Variants in MICU3 observed in about 807,000 individuals in gnomAD.
MICU3 encodes the protein mitochondrial calcium uptake 3, also known as calcium uptake protein 3, mitochondrial.
A neutral mutation model predicts 66.5 loss-of-function variants in MICU3; 62 were observed. The ratio of observed to expected loss-of-function variants is 0.93; its 90% CI spans 0.76 to 1.15. The LOEUF is 1.15. MICU3 is among the 50% of genes most tolerant of loss of function. The pLI is 0.00. For synonymous variants in MICU3, 308 were observed against 240.7 expected (o/e 1.28, Z -2.59); for missense variants, 779 against 664.4 (o/e 1.17, Z -1.90).
chr8:17,131,993 T>C, the MICU3 span: 1 of 152,152 alleles, frequency 6.6e-6, no homozygotes, highest in Non-Finnish European at 1.5e-5. Context: ...CATACAATAA[T>C]AACTCTACAT....
At chr8:17,069,657 T>C in intron 2 of MICU3, 31 bp from the exon 3 acceptor site, 2 of 1,371,012 alleles carry the variant, frequency 1.5e-6, no homozygotes, top group Non-Finnish European at 2.0e-6. Flanking sequence ...AAGTATTTAT[T>C]ATCTAATTAT....
Position 17,114,152 on chromosome 8 carries a change from T to C in MICU3, c.1317T>C (p.Phe439=), listed in dbSNP as rs755267578. Residue 439 remains phenylalanine, a synonymous_variant, in exon 12 of 15, where the codon TTT becomes TTC. Coordinates refer to ENST00000318063, the MANE Select transcript of MICU3 (RefSeq NM_181723.3). ...FFQFLNNLED[F]AIALNMYNFA... ...AGTTTTTAAACAACCTAGAAGACTT[T>C]GCAATAGCCCTGAATATGTATAACT... is the stretch of plus-strand genomic sequence containing the variant. 23 of 1,612,984 alleles carry C rather than the reference T, an allele frequency of 1.4e-5. No homozygotes were observed. Among genetic ancestry groups the C allele is most frequent in the Middle Eastern group, 1.6e-4 (1 of 6,072 alleles).
At chr8:17,094,029 G>C (rs191579572) in intron 8 of MICU3, among the ~76,000 whole-genome samples, 18 of 152,024 alleles carry the variant, frequency 1.2e-4, no homozygotes, top group African/African-American at 4.1e-4. Context: ...TCCTTCAAAA[G>C]ATAAACACAA....
chr8:17,078,873 A>G (rs1168740255), intron 4 of MICU3, among the ~76,000 whole-genome samples: 3 of 152,136 alleles, frequency 2.0e-5, no homozygotes, highest in African/African-American at 7.2e-5. Context: ...AAATCTTAGA[A>G]ATTTTTTTCC....
intron 1 of MICU3, among the ~76,000 whole-genome samples, chr8:17,057,479 A>G (rs1230382853): frequency 6.6e-6 from 1 of 152,224 alleles, no homozygotes; most frequent in Non-Finnish European, 1.5e-5. Context: ...AGTATTAATT[A>G]TATTTAATCT....
chr8:17,036,804 C>T (rs568623587), intron 1 of MICU3, among the ~76,000 whole-genome samples: 63 of 152,340 alleles, frequency 4.1e-4, no homozygotes, highest in African/African-American at 1.4e-3. Context: ...GCCAGTCCCG[C>T]GCCGTGCGCT....
At chr8:17,027,782 G>T in intron 1 of MICU3, 122 bp downstream of exon 1, 1 of 1,178,132 alleles carries the variant, frequency 8.5e-7, no homozygotes, top group Non-Finnish European at 1.1e-6. Flanking sequence ...AACTTCCCGT[G>T]AGCGAGGCTG....
chr8:17,051,304 C>A (rs1407569118), intron 1 of MICU3, among the ~76,000 whole-genome samples: 1 of 152,158 alleles, frequency 6.6e-6, no homozygotes, highest in Non-Finnish European at 1.5e-5. Context: ...TTCACTTATT[C>A]ATTTATTCAG....
chr8:17,062,692 A>T (rs1818030754), intron 1 of MICU3, among the ~76,000 whole-genome samples: 1 of 152,142 alleles, frequency 6.6e-6, no homozygotes, highest in South Asian at 2.1e-4. Context: ...ACTGATAATC[A>T]TGTAAATTGC....
At chr8:17,069,044 G>A (rs918016270) in intron 2 of MICU3, among the ~76,000 whole-genome samples, 1 of 152,034 alleles carries the variant, frequency 6.6e-6, no homozygotes, top group Non-Finnish European at 1.5e-5. Context: ...GATCTTTGGG[G>A]GTGTGAGGAG....
intron 1 of MICU3, among the ~76,000 whole-genome samples, chr8:17,051,730 T>C (rs1695441478): frequency 6.6e-6 from 1 of 152,078 alleles, no homozygotes; most frequent in South Asian, 2.1e-4. Context: ...AAGGAGGTCA[T>C]TGATGACCTT....
At chr8:17,135,423 G>C in the MICU3 span, among the ~76,000 whole-genome samples, 4 of 151,086 alleles carry the variant, frequency 2.6e-5, no homozygotes, top group African/African-American at 9.7e-5. Flanking sequence ...ACATTTTTCC[G>C]TTAGATTTTC....
At chr8:17,033,418 A>C (rs1453177192) in intron 1 of MICU3, among the ~76,000 whole-genome samples, 1 of 152,152 alleles carries the variant, frequency 6.6e-6, no homozygotes, top group Non-Finnish European at 1.5e-5. Context: ...AGCTTAATCC[A>C]GATTAAGGCC....
chr8:17,096,955 T>TTTGTG (rs1554531649), intron 8 of MICU3, among the ~76,000 whole-genome samples: 1 of 141,548 alleles, frequency 7.1e-6, no homozygotes, highest in Non-Finnish European at 1.5e-5. Context: ...CTAAATATAT[T>TTTGTG]TGTGTGTGTG....
intron 1 of MICU3, among the ~76,000 whole-genome samples, chr8:17,035,804 C>T (rs1379242373): frequency 2.0e-5 from 3 of 152,132 alleles, no homozygotes; most frequent in Non-Finnish European, 4.4e-5. Flanking sequence ...GAAAAGAAAA[C>T]CCCATTTTCT....
chr8:17,040,582 A>G (rs935758055), intron 1 of MICU3, among the ~76,000 whole-genome samples: 1 of 152,202 alleles, frequency 6.6e-6, no homozygotes, highest in Non-Finnish European at 1.5e-5. Flanking sequence ...AGTAACTTAC[A>G]GTTTCATGAA....
intron 3 of MICU3, among the ~76,000 whole-genome samples, chr8:17,076,599 A>G (rs1321343842): frequency 5.9e-5 from 9 of 152,316 alleles, no homozygotes; most frequent in Non-Finnish European, 1.0e-4. Context: ...TGCCTTTGAC[A>G]TACCAAGAAT....
At chr8:17,116,246 C>A (rs1010753950) in intron 12 of MICU3, among the ~76,000 whole-genome samples, 197 bp from the exon 13 acceptor site, 1 of 152,216 alleles carries the variant, frequency 6.6e-6, no homozygotes, top group Non-Finnish European at 1.5e-5. Flanking sequence ...ACCTAAGATA[C>A]AGCTGTTGCT....
At position 17,027,538 on chromosome 8, in the gene MICU3, G is replaced by C. The variant is rs535636469; in HGVS notation, c.259G>C (p.Gly87Arg). 393 of 1,280,332 alleles carry C rather than the reference G, an allele frequency of 3.1e-4. No homozygotes were observed. Among genetic ancestry groups the C allele is most frequent in the South Asian group, 1.1e-3 (41 of 38,164 alleles). The allele number at this position is 1,280,332 out of a possible 1,614,324, so 79.3% of individuals were successfully genotyped here. A position where few individuals can be genotyped will look rare whatever the true frequency, so the allele number is the denominator to read the frequency against. ...CGGCCTGGTATGCTACCAGCTGTAC[G>C]GGGACCCCAGGGCCGGCTCGCCGGC... is the stretch of plus-strand genomic sequence containing the variant. ...LVGLVCYQLY[G>R]DPRAGSPATG... The change falls in exon 1 of 15, where the codon GGG becomes CGG. Residue 87 changes from glycine (G) to arginine (R), a missense_variant. Physicochemically the swap from Gly to Arg is moderately radical, Grantham distance 125. Transcript: ENST00000318063.
Sources: allele counts gnomAD v4.1 joint callset (sites outside exome capture counted in the v4.1 genomes callset), GRCh38; gene constraint gnomAD v4.1.1; transcripts MANE v1.5; gene names NCBI Gene and HGNC (gene_info 2026-07-23, HGNC 2026-07-21).